FBXO16: variants seen among roughly 807,000 people sequenced by gnomAD.
FBXO16 encodes F-box protein 16.
Under a neutral mutation model 41.0 loss-of-function variants are expected in FBXO16, and 31 were observed. The observed-to-expected ratio is 0.76, with a 90% CI of 0.57 to 1.02. The LOEUF is 1.02. Among genes scored for constraint, FBXO16 ranks in the 50% least tolerant of loss-of-function variants. FBXO16 has a pLI of 0.00. For missense variants in FBXO16, 361 were observed against 346.2 expected (o/e 1.04, Z -0.34); for synonymous variants, 133 against 117.8 (o/e 1.13, Z -0.84).
intron 6 of FBXO16, 31 bp from the exon 7 acceptor site, chr8:28,447,304 A>G (rs1386511283): frequency 6.3e-7 from 1 of 1,578,778 alleles, no homozygotes; most frequent in Admixed American, 1.7e-5. Context: ...GGAAAATTAC[A>G]AAGTATCTTT....
chr8:28,429,513 C>T, intron 7 of FBXO16, 110 bp from the exon 8 acceptor site: 1 of 1,286,870 alleles, frequency 7.8e-7, no homozygotes, highest in Non-Finnish European at 1.1e-6. Flanking sequence ...TCGCCCTTAT[C>T]TTGGTTCCAA....
intron 6 of FBXO16, among the ~76,000 whole-genome samples, chr8:28,451,760 A>G (rs1279743475): frequency 6.6e-6 from 1 of 151,954 alleles, no homozygotes; most frequent in Non-Finnish European, 1.5e-5. Context: ...AGGCATGTGG[A>G]TCACCTGAGG....
At chr8:28,479,149 T>G (rs1258151622) in intron 2 of FBXO16, among the ~76,000 whole-genome samples, 1 of 152,144 alleles carries the variant, frequency 6.6e-6, no homozygotes, top group Non-Finnish European at 1.5e-5. Flanking sequence ...CCTCTTTTCT[T>G]TATAAATTAC....
intron 7 of FBXO16, among the ~76,000 whole-genome samples, chr8:28,433,477 A>T (rs1316450494): frequency 6.6e-6 from 1 of 152,086 alleles, no homozygotes; most frequent in Non-Finnish European, 1.5e-5. Flanking sequence ...CTCCAACCTG[A>T]TATTTCCTGC....
intron 7 of FBXO16, among the ~76,000 whole-genome samples, chr8:28,441,947 T>TA (rs1491261277): frequency 0.12 from 10,246 of 84,680 alleles, 1,266 homozygotes; most frequent in African/African-American, 0.35. Flanking sequence ...TGTGTGTGTA[T>TA]TTTTTTTTTT....
chr8:28,468,388 C>T (rs996323630), intron 3 of FBXO16, among the ~76,000 whole-genome samples: 2 of 152,154 alleles, frequency 1.3e-5, no homozygotes, highest in Admixed American at 1.3e-4. Context: ...CCACCTCACA[C>T]TGAATGGCAA....
intron 3 of FBXO16, among the ~76,000 whole-genome samples, chr8:28,472,330 G>A (rs1214619424): frequency 6.6e-6 from 1 of 152,068 alleles, no homozygotes; most frequent in Admixed American, 6.6e-5. Flanking sequence ...CAAACTCCCG[G>A]CCTTAAGCTC....
chr8:28,483,141 T>C (rs968915399), intron 2 of FBXO16, among the ~76,000 whole-genome samples: 5 of 152,130 alleles, frequency 3.3e-5, no homozygotes, highest in Admixed American at 3.3e-4. Context: ...AAGACATTTT[T>C]TTCTTGGGCA....
chr8:28,446,006 AAG>A (rs1802857098), intron 7 of FBXO16, among the ~76,000 whole-genome samples: 1 of 152,130 alleles, frequency 6.6e-6, no homozygotes, highest in Non-Finnish European at 1.5e-5. Context: ...AATGTGCTGA[AAG>A]AGAGCCACAG....
At chr8:28,486,559 T>C (rs1256460478) in intron 1 of FBXO16, among the ~76,000 whole-genome samples, 1 of 151,912 alleles carries the variant, frequency 6.6e-6, no homozygotes, top group African/African-American at 2.4e-5. Context: ...GTTGTTTTGT[T>C]GCCTGTAATC....
chr8:28,462,557 C>G (rs940437745), intron 4 of FBXO16, among the ~76,000 whole-genome samples: 1 of 152,094 alleles, frequency 6.6e-6, no homozygotes, highest in African/African-American at 2.4e-5. Context: ...GGATTACAGG[C>G]GTGAGCCACC....
intron 1 of FBXO16, among the ~76,000 whole-genome samples, chr8:28,483,855 A>G (rs1282733416): frequency 6.6e-6 from 1 of 152,098 alleles, no homozygotes; most frequent in East Asian, 1.9e-4. Flanking sequence ...AAACAATACT[A>G]ATACCATATA....
At chr8:28,435,117 C>T (rs193224060) in intron 7 of FBXO16, among the ~76,000 whole-genome samples, 1 of 152,108 alleles carries the variant, frequency 6.6e-6, no homozygotes, top group Admixed American at 6.5e-5. Context: ...GAGCTCTTGC[C>T]CAGCATCCGA....
At chr8:28,428,840 T>C (rs1332884723) in intron 8 of FBXO16, 104 bp from the exon 9 acceptor site, 5 of 1,272,476 alleles carry the variant, frequency 3.9e-6, no homozygotes, top group Non-Finnish European at 5.3e-6. Context: ...TACAAAATTA[T>C]AGGGCTGGAT....
chr8:28,448,400 T>A (rs1431926553), intron 6 of FBXO16, among the ~76,000 whole-genome samples: 1 of 148,548 alleles, frequency 6.7e-6, no homozygotes, highest in African/African-American at 2.5e-5. Flanking sequence ...ACAGGTAATA[T>A]GGAGGAACAG....
intron 3 of FBXO16, among the ~76,000 whole-genome samples, chr8:28,469,810 T>C (rs1011725990): frequency 8.6e-5 from 13 of 150,974 alleles, no homozygotes; most frequent in African/African-American, 3.2e-4. Context: ...CTGAGGTAGG[T>C]GAATCTCTTG....
At chr8:28,438,111 C>A (rs1321179757) in intron 7 of FBXO16, among the ~76,000 whole-genome samples, 1 of 151,412 alleles carries the variant, frequency 6.6e-6, no homozygotes, top group Non-Finnish European at 1.5e-5. Context: ...AGACCCGGAG[C>A]TCGAGACCAG....
At chr8:28,452,803 A>AAAAAC (rs761550556) in intron 5 of FBXO16, among the ~76,000 whole-genome samples, 8 of 152,154 alleles carry the variant, frequency 5.3e-5, no homozygotes, top group East Asian at 1.9e-4. Flanking sequence ...CTCCATCTCA[A>AAAAAC]AAAACAAAAC....
chr8:28,450,954 AG>A (rs1412346229), intron 6 of FBXO16, among the ~76,000 whole-genome samples: 1 of 152,224 alleles, frequency 6.6e-6, no homozygotes, highest in Non-Finnish European at 1.5e-5. Flanking sequence ...ATTTTTTAAA[AG>A]GCTTAGCAAT....
Sources: allele counts gnomAD v4.1 joint callset (sites outside exome capture counted in the v4.1 genomes callset), GRCh38; gene constraint gnomAD v4.1.1; transcripts MANE v1.5; gene names NCBI Gene and HGNC (gene_info 2026-07-23, HGNC 2026-07-21).